The following KYNU variants were observed in gnomAD, a reference collection of about 807,000 sequenced individuals.
KYNU encodes the protein kynureninase.
Under a neutral mutation model 59.2 loss-of-function variants are expected in KYNU, and 54 were observed. That is an observed-to-expected ratio of 0.91 (90% CI 0.73 to 1.14). The LOEUF (loss-of-function observed/expected upper bound fraction) is 1.14. KYNU is among the 50% of genes most tolerant of loss of function. The pLI is 0.00. For synonymous variants in KYNU, 177 were observed against 192.0 expected (o/e 0.92, Z 0.65); for missense variants, 567 against 554.4 (o/e 1.02, Z -0.23).
At chr2:142,934,200 G>A (rs1050214542) in intron 4 of KYNU, among the ~76,000 whole-genome samples, 5 of 152,190 alleles carry the variant, frequency 3.3e-5, no homozygotes, top group South Asian at 2.1e-4. Context: ...AGTTGCTTGG[G>A]AGATGGGATA....
In KYNU at chr2:143,049,830, T is replaced by C. The variant is rs1222148516; in HGVS notation, c.*7658T>C. 2.0e-5 allele frequency: 3 copies of C among 152,296 alleles called. No individual in the cohort carries two copies. In the East Asian group the frequency reaches 5.8e-4, roughly 29 times the overall value. The allele number at this position is 152,296 out of a possible 1,614,324, so 9.4% of individuals were successfully genotyped here. On this transcript the variant is annotated 3_prime_UTR_variant, in exon 14 of 14. Transcript: ENST00000264170. ...CTTGTTTCCTTTGTAGTTTTGTGAT[T>C]GATAGCTTCGAACTGCTCATTTACC...
At chr2:142,989,335 C>A (rs1685321581) in intron 10 of KYNU, 8 of 1,012,790 alleles carry the variant, frequency 7.9e-6, no homozygotes, top group Non-Finnish European at 7.1e-6. Context: ...CTTTTCTGTT[C>A]TCTTAGAGCT....
Position 142,969,488 on chromosome 2 carries a change from T to TCAAAATAA in KYNU, c.729+8718_729+8719insCAAAATAA, listed in dbSNP as rs1303455524. Among the ~76,000 whole-genome samples, 1,170 of 152,324 alleles carry TCAAAATAA rather than the reference T, an allele frequency of 7.7e-3. 8 individuals are homozygous for TCAAAATAA. The highest frequency in any genetic ancestry group is 0.027 in the African/African-American group (1,124 of 41,570). Reference sequence around the variant, plus strand: ...TCCATGCAGGTGGAAGCCTAAAATATGTCAAATAAGTCAAAATATGTTGGT... The same window carrying TCAAAATAA: ...TCCATGCAGGTGGAAGCCTAAAATATCAAAATAAGTCAAATAAGTCAAAATATGTTGGT... On this transcript the variant is annotated intron_variant, in intron 8 of 13. Coordinates refer to ENST00000264170, the MANE Select transcript of KYNU (RefSeq NM_003937.3).
chr2:143,036,911 C>A lies in KYNU; in HGVS notation c.1042-3517C>A, dbSNP rs1480664546. On this transcript the variant is annotated intron_variant, in intron 12 of 13. Coordinates refer to ENST00000264170, the MANE Select transcript of KYNU (RefSeq NM_003937.3). ...GTCTCTACTTTTAAGAAATATTCAA[C>A]ACAGTCAAATACGAACTGGAGGAGA... 2.6e-5 allele frequency among the ~76,000 whole-genome samples: 4 copies of A among 152,184 alleles called. No homozygotes were observed. The East Asian group carries it at 7.7e-4, about 29-fold the overall frequency.
intron 10 of KYNU, among the ~76,000 whole-genome samples, chr2:143,028,074 A>G (rs1432592228): frequency 6.6e-6 from 1 of 152,036 alleles, no homozygotes; most frequent in East Asian, 1.9e-4. Context: ...GACATCACTA[A>G]AACTAAAATA....
At chr2:142,896,889 G>A (rs745561539) in intron 2 of KYNU, among the ~76,000 whole-genome samples, 5 of 152,098 alleles carry the variant, frequency 3.3e-5, no homozygotes, top group East Asian at 3.8e-4. Flanking sequence ...TCTTATTAGC[G>A]TCTATCACAG....
intron 4 of KYNU, among the ~76,000 whole-genome samples, chr2:142,928,814 C>A (rs186286327): frequency 6.6e-6 from 1 of 151,786 alleles, no homozygotes; most frequent in African/African-American, 2.4e-5. Flanking sequence ...TCGAGACCAG[C>A]CTGGCCAACA....
chr2:143,019,579 C>T (rs758067248), intron 10 of KYNU, among the ~76,000 whole-genome samples: 24 of 152,216 alleles, frequency 1.6e-4, no homozygotes, highest in Admixed American at 9.2e-4. Flanking sequence ...AGGATTTTAG[C>T]AACTGTGTTC....
chr2:142,973,754 C>T (rs990505299), intron 8 of KYNU, among the ~76,000 whole-genome samples: 2 of 152,078 alleles, frequency 1.3e-5, no homozygotes, highest in African/African-American at 2.4e-5. Context: ...AATGACCTCT[C>T]ATTTTACGTC....
rs970183266 is a variant in KYNU, at chr2:143,048,486, C to G, written c.*6314C>G. On this transcript the variant is annotated 3_prime_UTR_variant, in exon 14 of 14. Transcript: ENST00000264170. ...TTTCTCTCTCTCTCTCTCTGTCTCT[C>G]TCTCTCTCACTAATGTTTGCTATTT... 8 of 152,046 alleles carry G rather than the reference C, an allele frequency of 5.3e-5. No individual in the cohort carries two copies. The highest frequency in any genetic ancestry group is 1.9e-4 in the African/African-American group (8 of 41,390). The allele number at this position is 152,046 out of a possible 1,614,324, so 9.4% of individuals were successfully genotyped here. A position where few individuals can be genotyped will look rare whatever the true frequency, so the allele number is the denominator to read the frequency against.
At chr2:142,956,473 A>C (rs1684169896) in intron 6 of KYNU, among the ~76,000 whole-genome samples, 199 bp downstream of exon 6, 1 of 152,172 alleles carries the variant, frequency 6.6e-6, no homozygotes, top group Non-Finnish European at 1.5e-5. Context: ...TGTTAAGGGA[A>C]GAGAAGATGG....
intron 4 of KYNU, among the ~76,000 whole-genome samples, chr2:142,953,261 A>G (rs1467235034): frequency 6.6e-6 from 1 of 152,250 alleles, no homozygotes; most frequent in African/African-American, 2.4e-5. Flanking sequence ...TATGTAAAAC[A>G]TAGGGAAGGA....
At chr2:142,923,558 T>C (rs745868045) in intron 3 of KYNU, among the ~76,000 whole-genome samples, 8 of 152,238 alleles carry the variant, frequency 5.3e-5, no homozygotes, top group Non-Finnish European at 8.8e-5. Flanking sequence ...TTATATTAAA[T>C]ATTTACTAAT....
chr2:142,881,924 T>C lies in KYNU; in HGVS notation c.-19-3425T>C, dbSNP rs1398618132. On this transcript the variant is annotated intron_variant, in intron 1 of 13. Coordinates refer to ENST00000264170, the MANE Select transcript of KYNU (RefSeq NM_003937.3). ...CTTTTCTTTTCTTTTTTCTTTTTTT[T>C]TTTTTTTTTTTGTAGAGATGACATC... Among the ~76,000 whole-genome samples the C allele has an allele frequency of 3.5e-5, 5 of 144,444 alleles. No individual in the cohort carries two copies. In the East Asian group the frequency reaches 7.9e-4, roughly 23 times the overall value. 94.8% of individuals were successfully genotyped at this position (144,444 alleles called of 152,430 possible).
rs185731111 is a variant in KYNU at position 142,957,411 on chromosome 2, T to A, written c.508-230T>A. ...TTATTCTAAAATCTCTTATAATTCC[T>A]TAAGTCAAGGAGATCCCTCTGTTTT... On this transcript the variant is annotated intron_variant, in intron 6 of 13. Transcript: ENST00000264170. Among the ~76,000 whole-genome samples the A allele has an allele frequency of 2.7e-3, 414 of 152,292 alleles. 10 individuals are homozygous for A. The highest frequency in any genetic ancestry group is 0.024 in the Admixed American group (365 of 15,290).
chr2:142,966,954 A>G (rs1372089839), intron 8 of KYNU, among the ~76,000 whole-genome samples: 1 of 151,304 alleles, frequency 6.6e-6, no homozygotes, highest in Admixed American at 6.6e-5. Context: ...AAAGACTGTC[A>G]CTGAATAGTT....
intron 3 of KYNU, among the ~76,000 whole-genome samples, chr2:142,927,351 T>C (rs1011095687): frequency 6.6e-6 from 1 of 152,086 alleles, no homozygotes; most frequent in Non-Finnish European, 1.5e-5. Context: ...GTTCAAATAA[T>C]CTTAAAAATT....
At chr2:142,943,757 C>A (rs562772253) in intron 4 of KYNU, among the ~76,000 whole-genome samples, 1 of 152,266 alleles carries the variant, frequency 6.6e-6, no homozygotes. Context: ...GAAGCTATCC[C>A]CCCACAGCTG....
intron 4 of KYNU, 74 bp downstream of exon 4, chr2:142,927,815 T>C: frequency 9.9e-7 from 1 of 1,014,580 alleles, no homozygotes. Flanking sequence ...CACAGGCTCA[T>C]AAAGTCAAAA....
Sources: allele counts gnomAD v4.1 joint callset (sites outside exome capture counted in the v4.1 genomes callset), GRCh38; gene constraint gnomAD v4.1.1; transcripts MANE v1.5; gene names NCBI Gene and HGNC (gene_info 2026-07-23, HGNC 2026-07-21).